WWP1: variants seen among roughly 807,000 people sequenced by gnomAD.
WWP1 encodes WW domain containing E3 ubiquitin protein ligase 1.
In WWP1, 49 loss-of-function variants were observed where a neutral mutation model predicts 130.6. That is an observed-to-expected ratio of 0.38 (90% confidence interval 0.30 to 0.48). The LOEUF (loss-of-function observed/expected upper bound fraction) is 0.48. Ranked by LOEUF, WWP1 falls within the 20% of genes least tolerant of loss-of-function variation. The pLI, the probability that WWP1 is intolerant of heterozygous loss-of-function variation, is 0.99. For missense variants in WWP1, 809 were observed against 1,100.6 expected (o/e 0.74, Z 3.75); for synonymous variants, 332 against 367.8 (o/e 0.90, Z 1.11).
At chr8:86,391,040 G>A (rs371406833) in intron 5 of WWP1, among the ~76,000 whole-genome samples, 8 of 151,700 alleles carry the variant, frequency 5.3e-5, no homozygotes, top group African/African-American at 1.9e-4. Context: ...ATCCTTGATG[G>A]TATGTGTTAT....
intron 5 of WWP1, among the ~76,000 whole-genome samples, chr8:86,390,096 G>A (rs1264109286): frequency 6.6e-6 from 1 of 151,774 alleles, no homozygotes; most frequent in Non-Finnish European, 1.5e-5. Flanking sequence ...CATCCCAGAC[G>A]GAGCGGCGGG....
chr8:86,425,157 AAG>A, intron 9 of WWP1, 64 bp from the exon 10 acceptor site: 3 of 1,312,216 alleles, frequency 2.3e-6, no homozygotes, highest in Non-Finnish European at 3.2e-6. Flanking sequence ...GATTATAAGG[AAG>A]AGTCATTTTT....
At chr8:86,403,665 G>T (rs1808123764) in intron 8 of WWP1, among the ~76,000 whole-genome samples, 1 of 151,826 alleles carries the variant, frequency 6.6e-6, no homozygotes, top group Non-Finnish European at 1.5e-5. Context: ...AGAGCTGTCT[G>T]AGAGTTTTTG....
At chr8:86,381,052 C>CT (rs1374924557) in intron 4 of WWP1, among the ~76,000 whole-genome samples, 188 bp downstream of exon 4, 1 of 149,114 alleles carries the variant, frequency 6.7e-6, no homozygotes, top group Non-Finnish European at 1.5e-5. Flanking sequence ...ATAATGCTTG[C>CT]TTTTGCTTTA....
chr8:86,426,103 C>T (rs1563521864), intron 10 of WWP1, among the ~76,000 whole-genome samples: 2 of 152,162 alleles, frequency 1.3e-5, no homozygotes, highest in Non-Finnish European at 1.5e-5. Flanking sequence ...GAATAAAGCA[C>T]TCAGGCCTTG....
At chr8:86,401,011 G>T (rs1017209724) in intron 7 of WWP1, among the ~76,000 whole-genome samples, 253 of 136,968 alleles carry the variant, frequency 1.8e-3, no homozygotes, top group African/African-American at 2.4e-3. Context: ...AACTTTTTTT[G>T]TTTTTTTTTT....
intron 7 of WWP1, among the ~76,000 whole-genome samples, chr8:86,401,583 CTTGA>C (rs1807983418): frequency 6.6e-6 from 1 of 150,808 alleles, no homozygotes; most frequent in African/African-American, 2.4e-5. Context: ...GTAGTTTATA[CTTGA>C]TTTTTATTTT....
At chr8:86,448,590 A>T (rs1168432620) in intron 20 of WWP1, 77 bp downstream of exon 20, 1 of 1,382,420 alleles carries the variant, frequency 7.2e-7, no homozygotes, top group African/African-American at 1.5e-5. Flanking sequence ...CCTTAATTTC[A>T]TCCCCTTTTC....
intron 17 of WWP1, chr8:86,442,374 A>G: frequency 3.7e-6 from 1 of 267,400 alleles, no homozygotes; most frequent in Non-Finnish European, 7.0e-6. Context: ...AGTGTGGCAT[A>G]CAAATAAGCA....
intron 5 of WWP1, among the ~76,000 whole-genome samples, chr8:86,396,643 G>A (rs146425192): frequency 1.1e-4 from 16 of 147,428 alleles, no homozygotes; most frequent in South Asian, 6.5e-4. Context: ...ACTCCCACTC[G>A]AGTACAATAG....
chr8:86,414,163 T>G (rs1450784377), intron 9 of WWP1, among the ~76,000 whole-genome samples: 2 of 152,102 alleles, frequency 1.3e-5, no homozygotes, highest in Non-Finnish European at 2.9e-5. Flanking sequence ...TAGGCGAGAA[T>G]AGGAAATATT....
intron 21 of WWP1, among the ~76,000 whole-genome samples, chr8:86,453,993 C>T (rs1811311821): frequency 6.6e-6 from 1 of 152,106 alleles, no homozygotes; most frequent in Non-Finnish European, 1.5e-5. Flanking sequence ...TGAAAAACAG[C>T]ACTTCAGATT....
chr8:86,369,745 C>A (rs118111345), intron 2 of WWP1, among the ~76,000 whole-genome samples: 1 of 152,120 alleles, frequency 6.6e-6, no homozygotes, highest in Non-Finnish European at 1.5e-5. Context: ...CCCTCATTTA[C>A]TGCCTAGAGG....
At chr8:86,455,170 ACTTT>A (rs1811369618) in intron 21 of WWP1, among the ~76,000 whole-genome samples, 1 of 152,052 alleles carries the variant, frequency 6.6e-6, no homozygotes, top group Admixed American at 6.6e-5. Context: ...ATATAAGGCA[ACTTT>A]CTTAGTTTGA....
chr8:86,373,308 A>G (rs1824441052), intron 2 of WWP1, among the ~76,000 whole-genome samples: 1 of 151,522 alleles, frequency 6.6e-6, no homozygotes, highest in Non-Finnish European at 1.5e-5. Flanking sequence ...AAAAATTTTT[A>G]TTTTCTGATA....
chr8:86,389,987 C>A (rs948780571), intron 5 of WWP1, among the ~76,000 whole-genome samples: 8 of 151,308 alleles, frequency 5.3e-5, no homozygotes, highest in African/African-American at 2.0e-4. Context: ...ACGGGGCAGC[C>A]CGGCAGAGAC....
At chr8:86,436,615 A>G (rs1810300856) in intron 16 of WWP1, among the ~76,000 whole-genome samples, 1 of 152,244 alleles carries the variant, frequency 6.6e-6, no homozygotes, top group Non-Finnish European at 1.5e-5. Context: ...CATAGAGGGT[A>G]TTCAATAAAT....
At position 86,381,613 on chromosome 8, in the gene WWP1, G is replaced by A. The variant is rs766565032; in HGVS notation, c.318G>A (p.Leu106=). Reference sequence around the variant, plus strand: ...CGATAGATTTGAAACAAGCTCTGTTGATACACAATAGAAAATGTAAGTTTT... The same window carrying A: ...CGATAGATTTGAAACAAGCTCTGTTAATACACAATAGAAAATGTAAGTTTT... ...KATIDLKQAL[L]IHNRKLERVK... is the part of the protein sequence containing the mutation. Residue 106 remains leucine, a synonymous_variant, in exon 5 of 25, where the codon TTG becomes TTA. Transcript: ENST00000517970. 3.1e-6 allele frequency: 5 copies of A among 1,590,442 alleles called. No homozygotes were observed. In the Admixed American group the frequency reaches 9.6e-5, roughly 31 times the overall value.
intron 22 of WWP1, among the ~76,000 whole-genome samples, chr8:86,460,021 C>T (rs1357502723): frequency 6.6e-6 from 1 of 152,222 alleles, no homozygotes; most frequent in Non-Finnish European, 1.5e-5. Context: ...AGTTTATTCC[C>T]TATTTTTAAG....
Sources: allele counts gnomAD v4.1 joint callset (sites outside exome capture counted in the v4.1 genomes callset), GRCh38; gene constraint gnomAD v4.1.1; transcripts MANE v1.5; gene names NCBI Gene and HGNC (gene_info 2026-07-23, HGNC 2026-07-21).